The following KIAA1217 variants were observed in gnomAD, a reference collection of about 807,000 sequenced individuals.
KIAA1217 encodes KIAA1217.
In KIAA1217, 88 loss-of-function variants were observed where a neutral mutation model predicts 163.9. The ratio of observed to expected loss-of-function variants is 0.54; its 90% CI spans 0.45 to 0.64. The LOEUF (loss-of-function observed/expected upper bound fraction) is 0.64. KIAA1217 is among the 30% of genes least tolerant of loss of function. The pLI is 0.00. For synonymous variants in KIAA1217, 903 were observed against 923.1 expected (o/e 0.98, Z 0.39); for missense variants, 2,372 against 2,475.0 (o/e 0.96, Z 0.88).
chr10:24,396,337 A>C (rs1169216278), intron 3 of KIAA1217, among the ~76,000 whole-genome samples: 4 of 151,926 alleles, frequency 2.6e-5, no homozygotes, highest in African/African-American at 9.7e-5. Flanking sequence ...ACTCTGTCTC[A>C]AAAAAAAGAG....
chr10:24,496,050 C>T (rs917834268), intron 8 of KIAA1217, among the ~76,000 whole-genome samples: 3 of 152,218 alleles, frequency 2.0e-5, no homozygotes, highest in African/African-American at 4.8e-5. Flanking sequence ...AGCAGGAACA[C>T]ATTCAGATAC....
At chr10:23,774,586 A>T (rs1198644505) in intron 1 of KIAA1217, among the ~76,000 whole-genome samples, 1 of 152,240 alleles carries the variant, frequency 6.6e-6, no homozygotes, top group South Asian at 2.1e-4. Context: ...GGTAGATGTG[A>T]GCATCTCCAG....
At chr10:24,022,416 C>A (rs1018092381) in intron 2 of KIAA1217, among the ~76,000 whole-genome samples, 1 of 151,650 alleles carries the variant, frequency 6.6e-6, no homozygotes, top group Non-Finnish European at 1.5e-5. Context: ...CAATTACCCA[C>A]CTATTAGAAT....
At chr10:24,189,091 G>T (rs528942414) in intron 2 of KIAA1217, among the ~76,000 whole-genome samples, 2 of 143,818 alleles carry the variant, frequency 1.4e-5, no homozygotes, top group Admixed American at 7.0e-5. Flanking sequence ...GGGTGACAGA[G>T]CGAGACTCTG....
intron 5 of KIAA1217, among the ~76,000 whole-genome samples, chr10:24,463,874 C>G (rs571893258): frequency 1.3e-5 from 2 of 152,170 alleles, no homozygotes; most frequent in Non-Finnish European, 2.9e-5. Flanking sequence ...GAGTGGGACA[C>G]TTTATACACT....
At chr10:24,442,732 T>C (rs2060598496) in intron 5 of KIAA1217, among the ~76,000 whole-genome samples, 1 of 152,054 alleles carries the variant, frequency 6.6e-6, no homozygotes, top group Admixed American at 6.6e-5. Context: ...ATGTAAAACA[T>C]TGAGTTACCA....
intron 1 of KIAA1217, among the ~76,000 whole-genome samples, chr10:23,784,383 C>T: frequency 6.6e-6 from 1 of 152,062 alleles, no homozygotes; most frequent in East Asian, 1.9e-4. Context: ...GTTTATATAT[C>T]TACTCAGTCA....
intron 1 of KIAA1217, among the ~76,000 whole-genome samples, chr10:23,705,055 G>A (rs750737424): frequency 3.3e-5 from 5 of 152,192 alleles, no homozygotes; most frequent in African/African-American, 9.6e-5. Flanking sequence ...ATGAGGTTAG[G>A]TATCTTTTCA....
chr10:24,296,922 G>A lies in KIAA1217; in HGVS notation c.354+77013G>A, dbSNP rs145395808. Among the ~76,000 whole-genome samples the A allele has an allele frequency of 4.4e-3, 672 of 152,314 alleles. 4 individuals are homozygous for A. Among genetic ancestry groups the A allele is most frequent in the Middle Eastern group, 6.8e-3 (2 of 294 alleles). Reference sequence around the variant, plus strand: ...AGCTGTGATCTTCAGGACCAAGTACGTGGCAACTACAGGAGGATGGTCTCT... The same window carrying A: ...AGCTGTGATCTTCAGGACCAAGTACATGGCAACTACAGGAGGATGGTCTCT... On this transcript the variant is annotated intron_variant, in intron 2 of 20. Coordinates refer to ENST00000376454, the MANE Select transcript of KIAA1217 (RefSeq NM_019590.5).
chr10:24,123,134 T>TTGTGTG (rs35526705), intron 2 of KIAA1217, among the ~76,000 whole-genome samples: 40,531 of 147,970 alleles, frequency 0.27, 5,994 homozygotes, highest in South Asian at 0.39. Context: ...TACTGTGTGT[T>TTGTGTG]TGTGTGTGTG....
intron 2 of KIAA1217, among the ~76,000 whole-genome samples, chr10:24,289,776 A>G: frequency 6.6e-6 from 1 of 152,048 alleles, no homozygotes; most frequent in South Asian, 2.1e-4. Context: ...TGGGAACAGG[A>G]AAGGATGCTG....
intron 14 of KIAA1217, among the ~76,000 whole-genome samples, chr10:24,529,713 G>A (rs953674630): frequency 2.0e-5 from 3 of 151,960 alleles, no homozygotes; most frequent in Non-Finnish European, 2.9e-5. Flanking sequence ...GGTCCTGGGC[G>A]GGGCGGCTCT....
chr10:23,772,542 T>A (rs1406289634), intron 1 of KIAA1217, among the ~76,000 whole-genome samples: 4 of 152,188 alleles, frequency 2.6e-5, no homozygotes, highest in Non-Finnish European at 4.4e-5. Flanking sequence ...TACTGACTTC[T>A]GAGTTTGGTA....
upstream of KIAA1217, among the ~76,000 whole-genome samples, chr10:24,208,030 T>C (rs1193389830): frequency 1.3e-5 from 2 of 150,698 alleles, no homozygotes; most frequent in East Asian, 2.0e-4. Context: ...TACTACAGGT[T>C]ACAAAATCGC....
intron 5 of KIAA1217, among the ~76,000 whole-genome samples, chr10:24,469,851 A>T (rs986476290): frequency 6.6e-6 from 1 of 152,182 alleles, no homozygotes; most frequent in Non-Finnish European, 1.5e-5. Flanking sequence ...ACCTCAAGTG[A>T]TCCGCCTGCC....
intron 9 of KIAA1217, among the ~76,000 whole-genome samples, chr10:24,510,981 T>C (rs2069043516): frequency 6.6e-6 from 1 of 151,914 alleles, no homozygotes; most frequent in Non-Finnish European, 1.5e-5. Context: ...CCAGACACAG[T>C]GTACCAGAGA....
chr10:23,839,793 A>G (rs1242936977), intron 1 of KIAA1217, among the ~76,000 whole-genome samples: 2 of 152,102 alleles, frequency 1.3e-5, no homozygotes, highest in African/African-American at 4.8e-5. Flanking sequence ...GTATCCCAGG[A>G]TTGATGTCCC....
intron 2 of KIAA1217, among the ~76,000 whole-genome samples, chr10:24,274,413 C>T (rs1186653782): frequency 1.3e-5 from 2 of 151,124 alleles, no homozygotes. Context: ...GTTCTCCATT[C>T]TAAGTCCAGT....
chr10:23,860,130 C>A (rs1332930396), intron 1 of KIAA1217, among the ~76,000 whole-genome samples: 1 of 152,124 alleles, frequency 6.6e-6, no homozygotes, highest in African/African-American at 2.4e-5. Context: ...GAGCAGGGAG[C>A]AGCTACAGGA....
Sources: allele counts gnomAD v4.1 joint callset (sites outside exome capture counted in the v4.1 genomes callset), GRCh38; gene constraint gnomAD v4.1.1; transcripts MANE v1.5; gene names NCBI Gene and HGNC (gene_info 2026-07-23, HGNC 2026-07-21).